Variants in DAB1 observed in about 807,000 individuals in gnomAD.
The protein encoded by DAB1 is disabled homolog 1.
Under a neutral mutation model 64.6 loss-of-function variants are expected in DAB1, and 15 were observed. That is an observed-to-expected ratio of 0.23 (90% CI 0.16 to 0.36). DAB1 has a LOEUF of 0.36. Ranked by LOEUF, DAB1 falls within the 10% of genes least tolerant of loss-of-function variation. DAB1 has a pLI of 1.00. For synonymous variants in DAB1, 235 were observed against 251.9 expected (o/e 0.93, Z 0.64); for missense variants, 596 against 706.7 (o/e 0.84, Z 1.78).
chr1:58,137,087 A>T (rs557120581), intron 5 of DAB1, among the ~76,000 whole-genome samples: 66 of 151,702 alleles, frequency 4.4e-4, no homozygotes, highest in Middle Eastern at 3.4e-3. Flanking sequence ...TTTGGTCTCT[A>T]GAAAAAAAAA....
intron 5 of DAB1, among the ~76,000 whole-genome samples, chr1:58,001,535 C>T (rs903879880): frequency 1.3e-5 from 2 of 152,204 alleles, no homozygotes; most frequent in Non-Finnish European, 2.9e-5. Context: ...GCTGGGATTA[C>T]AGGCACGAGC....
At chr1:57,054,332 G>A (rs773940642) in intron 9 of DAB1, among the ~76,000 whole-genome samples, 9 of 152,122 alleles carry the variant, frequency 5.9e-5, no homozygotes, top group Non-Finnish European at 1.3e-4. Flanking sequence ...GAGTGGCCCT[G>A]TGAATGCAAT....
At chr1:57,537,789 C>G (rs934539212) in intron 7 of DAB1, among the ~76,000 whole-genome samples, 3 of 152,152 alleles carry the variant, frequency 2.0e-5, no homozygotes, top group African/African-American at 7.2e-5. Flanking sequence ...GCATCTGAGG[C>G]TGAGTAATTT....
chr1:58,234,735 G>A (rs1659938212), intron 4 of DAB1, among the ~76,000 whole-genome samples: 1 of 152,182 alleles, frequency 6.6e-6, no homozygotes, highest in African/African-American at 2.4e-5. Context: ...GGTTCCCTAG[G>A]ATCAGACTTC....
At chr1:58,511,992 T>C (rs1217391081) in intron 2 of DAB1, among the ~76,000 whole-genome samples, 1 of 152,110 alleles carries the variant, frequency 6.6e-6, no homozygotes, top group African/African-American at 2.4e-5. Flanking sequence ...GAAAAACCAT[T>C]TGTATACCAA....
chr1:58,360,964 C>T (rs779089088), intron 3 of DAB1, among the ~76,000 whole-genome samples: 4 of 152,074 alleles, frequency 2.6e-5, no homozygotes, highest in Non-Finnish European at 5.9e-5. Context: ...TTTTTGTGAG[C>T]GTTTTCCCCA....
chr1:57,049,216 G>A (rs190163561), intron 9 of DAB1, among the ~76,000 whole-genome samples: 125 of 151,964 alleles, frequency 8.2e-4, no homozygotes, highest in African/African-American at 2.8e-3. Context: ...TTGGGAGGCC[G>A]AGGCAGGCAG....
intron 7 of DAB1, among the ~76,000 whole-genome samples, chr1:57,610,431 C>A (rs1558539058): frequency 6.6e-6 from 1 of 152,116 alleles, no homozygotes; most frequent in African/African-American, 2.4e-5. Context: ...ATAAGAGGCC[C>A]AGAGTGATTA....
intron 5 of DAB1, among the ~76,000 whole-genome samples, chr1:57,961,412 T>C (rs1645518446): frequency 6.6e-6 from 1 of 152,166 alleles, no homozygotes; most frequent in Non-Finnish European, 1.5e-5. Flanking sequence ...CCGCCTGTGA[T>C]CTTGGACACA....
At chr1:58,070,092 C>T (rs1649139280) in intron 5 of DAB1, among the ~76,000 whole-genome samples, 2 of 152,190 alleles carry the variant, frequency 1.3e-5, no homozygotes, top group African/African-American at 4.8e-5. Context: ...CATCAGGGAG[C>T]TGACACAATT....
At chr1:58,326,032 G>A (rs1403615541) in intron 4 of DAB1, among the ~76,000 whole-genome samples, 1 of 152,068 alleles carries the variant, frequency 6.6e-6, no homozygotes, top group Non-Finnish European at 1.5e-5. Context: ...GGCCTATTTG[G>A]CTAAGGAAAT....
At chr1:57,480,983 A>G (rs978801639) in intron 7 of DAB1, among the ~76,000 whole-genome samples, 2 of 152,200 alleles carry the variant, frequency 1.3e-5, no homozygotes, top group African/African-American at 2.4e-5. Context: ...GCCCATTCCA[A>G]CAAGGCCTAT....
At chr1:57,918,297 T>G (rs905769554) in intron 5 of DAB1, among the ~76,000 whole-genome samples, 1 of 152,184 alleles carries the variant, frequency 6.6e-6, no homozygotes, top group Non-Finnish European at 1.5e-5. Flanking sequence ...AATCTGAGAC[T>G]GGGTATTTTG....
chr1:58,492,177 C>T (rs566901824), intron 3 of DAB1, among the ~76,000 whole-genome samples: 3 of 152,124 alleles, frequency 2.0e-5, no homozygotes, highest in Admixed American at 6.5e-5. Flanking sequence ...GGGTACATAA[C>T]GAAATGAAGG....
intron 1 of DAB1, chr1:57,863,159 G>T (rs767880445): frequency 6.6e-6 from 1 of 152,018 alleles, no homozygotes; most frequent in Non-Finnish European, 1.5e-5. Flanking sequence ...CTGAGATAAA[G>T]AACCCAAAGA....
intron 2 of DAB1, among the ~76,000 whole-genome samples, chr1:57,284,439 G>A (rs1261915328): frequency 7.3e-5 from 11 of 151,704 alleles, no homozygotes; most frequent in African/African-American, 1.5e-4. Flanking sequence ...ATGATGCCCC[G>A]TCCTACATTT....
Position 57,015,210 on chromosome 1 carries a change from T to A in DAB1, c.1117A>T (p.Met373Leu). The A allele has an allele frequency of 6.2e-7, 1 of 1,614,044 alleles. No individual in the cohort carries two copies. The highest frequency in any genetic ancestry group is 8.5e-7 in the Non-Finnish European group (1 of 1,180,000). The change falls in exon 12 of 15, where the codon ATG becomes TTG. Residue 373 changes from methionine to leucine, a missense_variant. Met to Leu is a conservative substitution (Grantham distance 15). This residue lies in a region of DAB1 where 377 missense variants were observed against 400.4 expected (regional missense o/e 0.94). Coordinates refer to ENST00000371236, the MANE Select transcript of DAB1 (RefSeq NM_001365792.1). ...TGGAACATGGCAGCTGGCAAAGGCA[T>A]AACAGTTTGTGTGGGCATGAAGGCG... The part of the protein sequence containing the change: ...PAAFMPTQTV[M>L]PLPAAMFQGP...
intron 4 of DAB1, among the ~76,000 whole-genome samples, chr1:58,256,658 T>A (rs1434533791): frequency 2.6e-5 from 4 of 152,234 alleles, no homozygotes; most frequent in African/African-American, 9.6e-5. Flanking sequence ...ATGTTTATAC[T>A]GTCTGTCTGT....
At chr1:57,852,151 G>T (rs1653554604) in intron 1 of DAB1, among the ~76,000 whole-genome samples, 1 of 152,238 alleles carries the variant, frequency 6.6e-6, no homozygotes, top group Admixed American at 6.5e-5. Context: ...ACCTAGAAGG[G>T]TCATTCCCTA....
Sources: allele counts gnomAD v4.1 joint callset (sites outside exome capture counted in the v4.1 genomes callset), GRCh38; gene constraint gnomAD v4.1.1; regional missense constraint gnomAD v4.1.1; transcripts MANE v1.5; gene names NCBI Gene and HGNC (gene_info 2026-07-23, HGNC 2026-07-21).